Variants in RNF13 observed in about 807,000 individuals in gnomAD.
RNF13 encodes ring finger protein 13.
Under a neutral mutation model 37.7 loss-of-function variants are expected in RNF13, and 19 were observed. The ratio of observed to expected loss-of-function variants is 0.50; its 90% CI spans 0.35 to 0.74. RNF13 has a LOEUF of 0.74. RNF13 is among the 30% of genes least tolerant of loss of function. The probability of loss-of-function intolerance (pLI) is 0.01; values close to 1 mark genes in which losing one functional copy is unlikely to be tolerated. For missense variants in RNF13, 375 were observed against 453.0 expected (o/e 0.83, Z 1.56); for synonymous variants, 144 against 157.8 (o/e 0.91, Z 0.65).
intron 3 of RNF13, among the ~76,000 whole-genome samples, chr3:149,855,527 A>G (rs1723561139): frequency 6.8e-6 from 1 of 146,836 alleles, no homozygotes; most frequent in Non-Finnish European, 1.5e-5. Context: ...ATTAAAAAAT[A>G]TATATGTATC....
intron 8 of RNF13, among the ~76,000 whole-genome samples, chr3:149,921,975 T>C (rs1326386820): frequency 6.6e-6 from 1 of 152,000 alleles, no homozygotes; most frequent in African/African-American, 2.4e-5. Context: ...TTTCCTGACT[T>C]GTTTTTTTTT....
intron 2 of RNF13, among the ~76,000 whole-genome samples, chr3:149,848,289 G>A (rs1576757925): frequency 6.6e-6 from 1 of 152,182 alleles, no homozygotes; most frequent in East Asian, 1.9e-4. Flanking sequence ...TGGAATGTAT[G>A]TTGATGTCCT....
At chr3:149,899,252 C>A (rs1278984788) in intron 5 of RNF13, among the ~76,000 whole-genome samples, 1 of 152,142 alleles carries the variant, frequency 6.6e-6, no homozygotes, top group East Asian at 1.9e-4. Context: ...TCAAGACCAA[C>A]CTTGGCAACA....
intron 8 of RNF13, chr3:149,939,136 GT>G: frequency 2.0e-6 from 1 of 511,080 alleles, no homozygotes. Context: ...GTTTTTTCCT[GT>G]TTTTTGAAAG....
intron 8 of RNF13, among the ~76,000 whole-genome samples, chr3:149,953,639 G>A (rs893313227): frequency 2.0e-5 from 3 of 152,144 alleles, no homozygotes; most frequent in Admixed American, 1.3e-4. Flanking sequence ...ACATAACCTA[G>A]GAGGCAATAT....
chr3:149,847,535 A>C (rs1396859453), intron 2 of RNF13, among the ~76,000 whole-genome samples: 1 of 152,028 alleles, frequency 6.6e-6, no homozygotes, highest in Non-Finnish European at 1.5e-5. Flanking sequence ...AGAGGATGCT[A>C]GTAATCCATA....
intron 4 of RNF13, among the ~76,000 whole-genome samples, chr3:149,876,556 T>G (rs564110677): frequency 1.3e-5 from 2 of 152,236 alleles, no homozygotes; most frequent in African/African-American, 4.8e-5. Flanking sequence ...GTCTCATCTC[T>G]ACTTTGCCAC....
At chr3:149,885,259 T>G (rs545698463) in intron 4 of RNF13, among the ~76,000 whole-genome samples, 10 of 152,182 alleles carry the variant, frequency 6.6e-5, no homozygotes, top group African/African-American at 2.2e-4. Context: ...CTGAGGTTGC[T>G]GGATCATATG....
chr3:149,910,586 C>T (rs1239365743), intron 6 of RNF13, among the ~76,000 whole-genome samples: 2 of 152,136 alleles, frequency 1.3e-5, no homozygotes, highest in African/African-American at 2.4e-5. Flanking sequence ...CTATGGTGTC[C>T]TAAGCACCTC....
chr3:149,852,729 G>T (rs1723224876), intron 3 of RNF13, 133 bp downstream of exon 3: 1 of 421,170 alleles, frequency 2.4e-6, no homozygotes, highest in Non-Finnish European at 4.3e-6. Flanking sequence ...ATTTGTAAAG[G>T]GTCAGATTAT....
chr3:149,950,534 G>C (rs902080840), intron 8 of RNF13, among the ~76,000 whole-genome samples: 1 of 152,112 alleles, frequency 6.6e-6, no homozygotes, highest in Admixed American at 6.5e-5. Context: ...GAATGCAGTG[G>C]CATAATCTTG....
At chr3:149,876,011 G>A (rs1452047827) in intron 4 of RNF13, among the ~76,000 whole-genome samples, 1 of 98,410 alleles carries the variant, frequency 1.0e-5, no homozygotes, top group South Asian at 3.2e-4. Flanking sequence ...TAATTGAAAG[G>A]CCATTAAAAT....
chr3:149,883,063 T>G (rs1713606528), intron 4 of RNF13, among the ~76,000 whole-genome samples: 1 of 152,178 alleles, frequency 6.6e-6, no homozygotes, highest in South Asian at 2.1e-4. Context: ...TTACCACACT[T>G]AAGAAATTTA....
chr3:149,846,506 T>C (rs930531462), intron 2 of RNF13, among the ~76,000 whole-genome samples: 20 of 152,168 alleles, frequency 1.3e-4, no homozygotes, highest in African/African-American at 4.8e-4. Context: ...GGTTTCACCA[T>C]GTTGGCCAGG....
intron 6 of RNF13, among the ~76,000 whole-genome samples, chr3:149,911,689 TA>T (rs1299567988): frequency 1.3e-5 from 2 of 151,428 alleles, no homozygotes; most frequent in Non-Finnish European, 2.9e-5. Flanking sequence ...AATAAATAAA[TA>T]AATAACATAT....
At chr3:149,875,361 G>A (rs771988274) in intron 4 of RNF13, among the ~76,000 whole-genome samples, 1 of 152,162 alleles carries the variant, frequency 6.6e-6, no homozygotes, top group Non-Finnish European at 1.5e-5. Flanking sequence ...GATGATTAAT[G>A]TTGGTGAGTA....
At chr3:149,850,661 A>G (rs1723046049) in intron 2 of RNF13, among the ~76,000 whole-genome samples, 1 of 152,226 alleles carries the variant, frequency 6.6e-6, no homozygotes, top group Non-Finnish European at 1.5e-5. Flanking sequence ...TCAAAAGTAC[A>G]TTAAAAAATA....
intron 8 of RNF13, among the ~76,000 whole-genome samples, chr3:149,927,016 G>C (rs1037329594): frequency 6.6e-6 from 1 of 152,142 alleles, no homozygotes; most frequent in Non-Finnish European, 1.5e-5. Context: ...AATACACACA[G>C]CATAAAATTT....
intron 4 of RNF13, among the ~76,000 whole-genome samples, chr3:149,881,002 C>T (rs1438737852): frequency 6.6e-6 from 1 of 152,164 alleles, no homozygotes; most frequent in Non-Finnish European, 1.5e-5. Context: ...TAGTACTTAC[C>T]TACACTACCT....
Sources: gnomAD v4.1 joint callset for allele counts (sites outside exome capture counted in the v4.1 genomes callset) on GRCh38, gnomAD v4.1.1 for gene constraint, MANE v1.5 for transcripts, NCBI Gene and HGNC (gene_info 2026-07-23, HGNC 2026-07-21) for gene names.